Variants in PHF24 observed in about 807,000 individuals in gnomAD.
PHF24 encodes PHD finger protein 24, also known as Galpha inhibitory interacting protein.
Under a neutral mutation model 42.6 loss-of-function variants are expected in PHF24, and 25 were observed. That is an observed-to-expected ratio of 0.59 (90% CI 0.43 to 0.82). The LOEUF (loss-of-function observed/expected upper bound fraction) is 0.82. PHF24 is among the 40% of genes least tolerant of loss of function. The pLI is 0.00. For synonymous variants in PHF24, 185 were observed against 204.8 expected (o/e 0.90, Z 0.83); for missense variants, 470 against 538.1 (o/e 0.87, Z 1.25).
chr9:34,972,697 C>T (rs749773033), intron 3 of PHF24, among the ~76,000 whole-genome samples, 166 bp downstream of exon 3: 9 of 152,082 alleles, frequency 5.9e-5, no homozygotes, highest in Non-Finnish European at 7.4e-5. Context: ...CGGAAGATCA[C>T]GAGGTCAAGA....
chr9:34,808,886 G>A, the PHF24 span, among the ~76,000 whole-genome samples: 10 of 117,176 alleles, frequency 8.5e-5, no homozygotes, highest in Middle Eastern at 5.0e-3. Flanking sequence ...GGGGACTGTT[G>A]TGGGGTGGGG....
At chr9:34,806,393 C>G in the PHF24 span, among the ~76,000 whole-genome samples, 3 of 152,124 alleles carry the variant, frequency 2.0e-5, no homozygotes, top group Non-Finnish European at 4.4e-5. Context: ...TTTCTTTCAA[C>G]AATGGTTTGT....
chr9:34,688,244 G>T, the PHF24 span, among the ~76,000 whole-genome samples: 3 of 152,188 alleles, frequency 2.0e-5, no homozygotes, highest in Non-Finnish European at 4.4e-5. Flanking sequence ...AAGCAAGGGT[G>T]CTCAATCTGG....
chr9:34,710,765 C>T, the PHF24 span, among the ~76,000 whole-genome samples: 12 of 152,202 alleles, frequency 7.9e-5, no homozygotes, highest in African/African-American at 2.4e-4. Flanking sequence ...CATGCCACTA[C>T]GTCCGGCTAC....
At chr9:34,943,351 T>G in the PHF24 span, among the ~76,000 whole-genome samples, 1 of 152,184 alleles carries the variant, frequency 6.6e-6, no homozygotes, top group Non-Finnish European at 1.5e-5. Flanking sequence ...AAGAACCCAA[T>G]ATGAGGGTTA....
chr9:34,874,607 G>A, the PHF24 span, among the ~76,000 whole-genome samples: 3 of 152,062 alleles, frequency 2.0e-5, no homozygotes, highest in African/African-American at 7.2e-5. Flanking sequence ...TCCCCTAATA[G>A]GGGGAATTAC....
chr9:34,952,389 G>A, the PHF24 span, among the ~76,000 whole-genome samples: 47 of 152,292 alleles, frequency 3.1e-4, no homozygotes, highest in African/African-American at 1.1e-3. Flanking sequence ...ACTAAATGGG[G>A]AGATATGCCG....
chr9:34,944,825 A>G, the PHF24 span, among the ~76,000 whole-genome samples: 1 of 150,206 alleles, frequency 6.7e-6, no homozygotes, highest in Non-Finnish European at 1.5e-5. Context: ...ACAATGTGCT[A>G]TGATTGTGCC....
chr9:34,890,902 C>G, the PHF24 span, among the ~76,000 whole-genome samples: 1 of 152,198 alleles, frequency 6.6e-6, no homozygotes. Flanking sequence ...TGTACGTTAT[C>G]TACACAAGCT....
the PHF24 span, among the ~76,000 whole-genome samples, chr9:34,735,438 A>G: frequency 6.6e-6 from 1 of 151,318 alleles, no homozygotes; most frequent in Non-Finnish European, 1.5e-5. Context: ...CCCGGCCCAG[A>G]TATCCAGCTT....
At chr9:34,667,938 ATGGAGACC>A in the PHF24 span, among the ~76,000 whole-genome samples, 2 of 152,098 alleles carry the variant, frequency 1.3e-5, no homozygotes, top group Non-Finnish European at 2.9e-5. Context: ...AACATGGTGA[ATGGAGACC>A]TGGATGATGG....
chr9:34,945,785 C>T, the PHF24 span, among the ~76,000 whole-genome samples: 2 of 152,182 alleles, frequency 1.3e-5, no homozygotes, highest in Non-Finnish European at 2.9e-5. Flanking sequence ...CCTTCAGAAT[C>T]ATGAGCTAAA....
the PHF24 span, among the ~76,000 whole-genome samples, chr9:34,706,374 G>T: frequency 6.6e-6 from 1 of 152,144 alleles, no homozygotes; most frequent in South Asian, 2.1e-4. Flanking sequence ...AGAAACAGAG[G>T]TATAGGCAAA....
the PHF24 span, among the ~76,000 whole-genome samples, chr9:34,749,819 GA>G: frequency 3.3e-4 from 50 of 151,776 alleles, 1 homozygote; most frequent in East Asian, 9.3e-3. Flanking sequence ...AAAAGGAAAG[GA>G]TCCTAAAACA....
the PHF24 span, among the ~76,000 whole-genome samples, chr9:34,822,476 A>G: frequency 6.6e-6 from 1 of 152,240 alleles, no homozygotes. Flanking sequence ...TTATGAAACT[A>G]TCATGACTAA....
At chr9:34,717,846 T>C in the PHF24 span, among the ~76,000 whole-genome samples, 1 of 152,200 alleles carries the variant, frequency 6.6e-6, no homozygotes, top group Non-Finnish European at 1.5e-5. Context: ...CAGGCATGTC[T>C]GATGCAGGGT....
the PHF24 span, among the ~76,000 whole-genome samples, chr9:34,697,470 C>T: frequency 6.6e-6 from 1 of 152,182 alleles, no homozygotes; most frequent in African/African-American, 2.4e-5. Context: ...CAGGCACATA[C>T]CATCATGCCC....
the PHF24 span, among the ~76,000 whole-genome samples, chr9:34,808,461 C>T: frequency 6.6e-6 from 1 of 152,076 alleles, no homozygotes; most frequent in South Asian, 2.1e-4. Context: ...GACTCTATCC[C>T]CCCGCCAAAA....
chr9:34,849,107 T>A, the PHF24 span, among the ~76,000 whole-genome samples: 2 of 152,244 alleles, frequency 1.3e-5, no homozygotes, highest in Non-Finnish European at 2.9e-5. Flanking sequence ...TCTGTAGATG[T>A]CTATTAGGTC....
Sources: allele counts gnomAD v4.1 joint callset (sites outside exome capture counted in the v4.1 genomes callset), GRCh38; gene constraint gnomAD v4.1.1; transcripts MANE v1.5; gene names NCBI Gene and HGNC (gene_info 2026-07-23, HGNC 2026-07-21).